The following COL4A2 variants were observed in gnomAD, a reference collection of about 807,000 sequenced individuals.
The protein encoded by COL4A2 is collagen type IV alpha 2 chain, also known as collagen alpha-2(IV) chain.
Under a neutral mutation model 200.2 loss-of-function variants are expected in COL4A2, and 99 were observed. The ratio of observed to expected loss-of-function variants is 0.49; its 90% CI spans 0.42 to 0.58. The LOEUF (loss-of-function observed/expected upper bound fraction) is 0.58. Ranked by LOEUF, COL4A2 falls within the 20% of genes least tolerant of loss-of-function variation. The pLI, the probability that COL4A2 is intolerant of heterozygous loss-of-function variation, is 0.00. For synonymous variants in COL4A2, 897 were observed against 900.6 expected (o/e 1.00, Z 0.07); for missense variants, 1,950 against 2,314.1 (o/e 0.84, Z 3.23).
intron 4 of COL4A2, among the ~76,000 whole-genome samples, chr13:110,372,513 A>G (rs1284919606): frequency 2.0e-5 from 3 of 152,134 alleles, no homozygotes; most frequent in Non-Finnish European, 2.9e-5. Flanking sequence ...TATTGTTTCA[A>G]ATCTGGAGAC....
intron 29 of COL4A2, 146 bp from the exon 30 acceptor site, chr13:110,477,857 T>C: frequency 1.3e-6 from 1 of 778,854 alleles, no homozygotes; most frequent in Non-Finnish European, 1.8e-6. Flanking sequence ...ATTTTATCCT[T>C]TATACTTCTT....
intron 20 of COL4A2, chr13:110,456,562 T>C: frequency 2.8e-6 from 1 of 356,744 alleles, no homozygotes; most frequent in Non-Finnish European, 5.5e-6. Context: ...ATTTGCAGAC[T>C]CTTATATTTC....
intron 2 of COL4A2, 59 bp from the exon 3 acceptor site, chr13:110,308,010 C>A: frequency 6.2e-7 from 1 of 1,611,042 alleles, no homozygotes; most frequent in Admixed American, 1.7e-5. Context: ...GTGTAACTCT[C>A]GGGGACTGAC....
chr13:110,502,402 G>A (rs974928879), intron 41 of COL4A2, among the ~76,000 whole-genome samples: 5 of 152,330 alleles, frequency 3.3e-5, no homozygotes, highest in African/African-American at 9.6e-5. Context: ...TTAGCTCGCT[G>A]CAATCTCCGC....
intron 3 of COL4A2, among the ~76,000 whole-genome samples, chr13:110,322,791 C>G (rs985924968): frequency 2.6e-5 from 4 of 152,220 alleles, no homozygotes. Flanking sequence ...CCTCCCACAG[C>G]ACAGGACCTT....
chr13:110,424,206 TA>T (rs1880373030), intron 4 of COL4A2, among the ~76,000 whole-genome samples: 1 of 152,108 alleles, frequency 6.6e-6, no homozygotes, highest in Non-Finnish European at 1.5e-5. Context: ...TAACTTTTTT[TA>T]ATAACAGCCA....
At chr13:110,410,354 C>A (rs56687994) in intron 4 of COL4A2, among the ~76,000 whole-genome samples, 35,034 of 152,164 alleles carry the variant, frequency 0.23, 4,246 homozygotes, top group Middle Eastern at 0.26. Context: ...TGTTTAGATA[C>A]CTTAAGTTGC....
At chr13:110,336,638 G>A (rs776898981) in intron 3 of COL4A2, among the ~76,000 whole-genome samples, 10 of 152,160 alleles carry the variant, frequency 6.6e-5, no homozygotes, top group Non-Finnish European at 1.3e-4. Context: ...TCTGCATCAG[G>A]GGTTTTGCTT....
chr13:110,317,487 A>C (rs552591101), intron 3 of COL4A2, among the ~76,000 whole-genome samples: 1 of 152,334 alleles, frequency 6.6e-6, no homozygotes, highest in South Asian at 2.1e-4. Context: ...TCTGGGGAGC[A>C]TCAAACAGAC....
At chr13:110,423,045 C>T (rs1880315371) in intron 4 of COL4A2, among the ~76,000 whole-genome samples, 1 of 152,152 alleles carries the variant, frequency 6.6e-6, no homozygotes, top group Non-Finnish European at 1.5e-5. Flanking sequence ...CAAGTTCCCC[C>T]CTCAATCTCA....
chr13:110,445,423 G>C (rs1471796644), intron 16 of COL4A2, among the ~76,000 whole-genome samples: 2 of 152,200 alleles, frequency 1.3e-5, no homozygotes, highest in Admixed American at 1.3e-4. Flanking sequence ...GACTCACGTG[G>C]AGGAAACGTG....
rs901427070 is a variant in COL4A2 at position 110,436,276 on chromosome 13, TAG to T, written c.735_736del (p.Gly246AlafsTer31). On this transcript the variant is annotated frameshift_variant, in exon 13 of 48. Transcript: ENST00000360467. LOFTEE classifies it high-confidence loss of function. ...TTGCTTAACAATATGCAGGGTGACG[TAG>T]GGCAGCCGGGACCCAACGGGATTCC... is the stretch of plus-strand genomic sequence containing the variant. 6.2e-7 allele frequency: 1 copy of T among 1,613,958 alleles called. No individual in the cohort carries two copies. Among genetic ancestry groups the T allele is most frequent in the African/African-American group, 1.3e-5 (1 of 74,858 alleles).
chr13:110,466,132 G>A lies in COL4A2; in HGVS notation c.2038+70G>A, dbSNP rs111373820. 1.9e-5 allele frequency: 30 copies of A among 1,547,156 alleles called. No homozygotes were observed. The African/African-American group carries it at 3.4e-4, about 18-fold the overall frequency. ...CATTTGGTCTGCTGGTTAAGCTCTT[G>A]CAGTATGCGTGGGATAAGAAATATT... On this transcript the variant is annotated intron_variant, in intron 26 of 47. Transcript: ENST00000360467.
intron 3 of COL4A2, among the ~76,000 whole-genome samples, chr13:110,317,034 A>G (rs568253668): frequency 6.6e-6 from 1 of 151,456 alleles, no homozygotes; most frequent in African/African-American, 2.5e-5. Context: ...AGATGCACAC[A>G]TACATGCATG....
At chr13:110,438,728 T>C in intron 15 of COL4A2, 60 bp downstream of exon 15, 1 of 1,610,012 alleles carries the variant, frequency 6.2e-7, no homozygotes, top group Non-Finnish European at 8.5e-7. Flanking sequence ...TCAGTAGGCT[T>C]TCCTTTTTAG....
At chr13:110,493,920 C>A (rs1004670618) in intron 39 of COL4A2, among the ~76,000 whole-genome samples, 3 of 152,152 alleles carry the variant, frequency 2.0e-5, no homozygotes, top group South Asian at 2.1e-4. Context: ...TCTTGGGGCC[C>A]CACCCTCATG....
chr13:110,330,181 C>T (rs1433839362), intron 3 of COL4A2, among the ~76,000 whole-genome samples: 3 of 152,066 alleles, frequency 2.0e-5, no homozygotes, highest in Admixed American at 6.6e-5. Context: ...TTTTGTTTTG[C>T]GAGTCACTCT....
chr13:110,449,213 G>A (rs1490615921), intron 18 of COL4A2, among the ~76,000 whole-genome samples: 1 of 152,220 alleles, frequency 6.6e-6, no homozygotes, highest in East Asian at 1.9e-4. Flanking sequence ...CTACAGTAAA[G>A]CGTTGCTATT....
chr13:110,489,014 G>C (rs1027236032), intron 34 of COL4A2, among the ~76,000 whole-genome samples: 1 of 152,154 alleles, frequency 6.6e-6, no homozygotes, highest in African/African-American at 2.4e-5. Flanking sequence ...AGAATCACTT[G>C]AACCCAGGAG....
Sources: allele counts gnomAD v4.1 joint callset (sites outside exome capture counted in the v4.1 genomes callset), GRCh38; gene constraint gnomAD v4.1.1; transcripts MANE v1.5; gene names NCBI Gene and HGNC (gene_info 2026-07-23, HGNC 2026-07-21).